The following RPA3 variants were observed in gnomAD, a reference collection of about 807,000 sequenced individuals.
RPA3 encodes replication protein A3.
Under a neutral mutation model 13.7 loss-of-function variants are expected in RPA3, and 24 were observed. The ratio of observed to expected loss-of-function variants is 1.75; its 90% CI spans 1.27 to 2.46. RPA3 has a LOEUF of 2.46. RPA3 is among the 30% of genes most tolerant of loss of function. The pLI is 0.00. For missense variants in RPA3, 183 were observed against 151.0 expected (o/e 1.21, Z -1.11); for synonymous variants, 59 against 51.2 (o/e 1.15, Z -0.65).
At chr7:7,656,101 C>G (rs1330794751) in intron 4 of RPA3, among the ~76,000 whole-genome samples, 1 of 152,114 alleles carries the variant, frequency 6.6e-6, no homozygotes, top group Admixed American at 6.5e-5. Flanking sequence ...TCCCAAAGTA[C>G]TGAGATTACA....
At position 7,640,475 on chromosome 7, in the gene RPA3, C is replaced by G; in HGVS notation, c.-57G>C. On this transcript the variant is annotated 5_prime_UTR_variant, in exon 5 of 8. Coordinates refer to ENST00000223129, the MANE Select transcript of RPA3 (RefSeq NM_002947.5). ...ACCCACGGACGACTGAAACTGTGCG[C>G]CCCGCGGGTGTCTATGGGGCAGATT... is the stretch of plus-strand genomic sequence containing the variant. 1 of 1,538,080 alleles carries G rather than the reference C, an allele frequency of 6.5e-7. No homozygotes were observed. Among genetic ancestry groups the G allele is most frequent in the Non-Finnish European group, 9.0e-7 (1 of 1,113,978 alleles).
At chr7:7,674,275 T>A (rs1029489455) in intron 4 of RPA3, among the ~76,000 whole-genome samples, 1 of 152,224 alleles carries the variant, frequency 6.6e-6, no homozygotes, top group African/African-American at 2.4e-5. Flanking sequence ...GATACTGGTT[T>A]CCTACCTCTT....
chr7:7,695,316 C>G (rs1394116198), intron 2 of RPA3, among the ~76,000 whole-genome samples: 3 of 152,106 alleles, frequency 2.0e-5, no homozygotes, highest in Non-Finnish European at 4.4e-5. Flanking sequence ...ATTCTCAAGC[C>G]CAGCCAACTT....
At chr7:7,650,263 A>G (rs1408611452) in intron 4 of RPA3, among the ~76,000 whole-genome samples, 1 of 152,164 alleles carries the variant, frequency 6.6e-6, no homozygotes, top group African/African-American at 2.4e-5. Context: ...ATTTGCTTGA[A>G]ATTACCCATA....
At chr7:7,650,582 C>T (rs1195141999) in intron 4 of RPA3, among the ~76,000 whole-genome samples, 2 of 152,180 alleles carry the variant, frequency 1.3e-5, no homozygotes, top group Non-Finnish European at 2.9e-5. Flanking sequence ...TGCCACTAAA[C>T]CGTACACTTA....
intron 4 of RPA3, among the ~76,000 whole-genome samples, chr7:7,663,917 G>A (rs1779365187): frequency 1.3e-5 from 2 of 152,148 alleles, no homozygotes. Flanking sequence ...GAATGGGTGA[G>A]CTAGCCAGGA....
rs534428464 is a variant in RPA3 at position 7,716,921 on chromosome 7, C to T, written c.-1080+1594G>A. On this transcript the variant is annotated intron_variant, in intron 1 of 7. Transcript: ENST00000223129. ...GGCACACCTGGTCTGATCAATCTCT[C>T]GTGCCCTATGTAAATCAGACACCGC... Among the ~76,000 whole-genome samples the T allele has an allele frequency of 4.6e-5, 7 of 152,262 alleles. 1 individual carries two copies. The highest frequency in any genetic ancestry group is 1.7e-4 in the African/African-American group (7 of 41,554).
intron 4 of RPA3, among the ~76,000 whole-genome samples, chr7:7,643,153 C>A (rs933547826): frequency 5.9e-5 from 9 of 152,106 alleles, no homozygotes; most frequent in Non-Finnish European, 8.8e-5. Context: ...AGGGAGAGGC[C>A]ATTTCCTGAT....
Position 7,636,970 on chromosome 7 carries a change from C to T in RPA3, c.*30G>A. 1.4e-6 allele frequency: 2 copies of T among 1,463,386 alleles called. No homozygotes were observed. Among genetic ancestry groups the T allele is most frequent in the African/African-American group, 1.4e-5 (1 of 71,970 alleles). 90.7% of individuals were successfully genotyped at this position (1,463,386 alleles called of 1,614,324 possible). On this transcript the variant is annotated 3_prime_UTR_variant, in exon 8 of 8. Transcript: ENST00000223129. ...TCCTTTAATAGACTTTAATATAGCT[C>T]ATTTACAATCGTATGAAAATCCATC...
intron 4 of RPA3, among the ~76,000 whole-genome samples, chr7:7,648,012 G>A (rs1374604166): frequency 1.3e-5 from 2 of 152,164 alleles, no homozygotes; most frequent in Non-Finnish European, 2.9e-5. Flanking sequence ...ATCTCACCTA[G>A]GGGAGACAAG....
At chr7:7,647,743 C>T (rs1052584265) in intron 4 of RPA3, among the ~76,000 whole-genome samples, 2 of 152,122 alleles carry the variant, frequency 1.3e-5, no homozygotes, top group Non-Finnish European at 2.9e-5. Flanking sequence ...ACTGCAGGCA[C>T]GTGCCATCAC....
intron 4 of RPA3, among the ~76,000 whole-genome samples, chr7:7,661,192 G>A (rs1476949148): frequency 6.6e-6 from 1 of 152,114 alleles, no homozygotes; most frequent in Admixed American, 6.5e-5. Context: ...CTCTAAACTG[G>A]TAATTCTAGT....
At chr7:7,653,206 T>C (rs1785267107) in intron 4 of RPA3, among the ~76,000 whole-genome samples, 1 of 152,224 alleles carries the variant, frequency 6.6e-6, no homozygotes, top group African/African-American at 2.4e-5. Context: ...TCTTGTACAG[T>C]AGTGTTATTT....
chr7:7,712,627 T>C (rs189410393), intron 2 of RPA3, among the ~76,000 whole-genome samples: 15 of 152,346 alleles, frequency 9.8e-5, no homozygotes, highest in Non-Finnish European at 1.9e-4. Context: ...CCTCTGTGAA[T>C]AGTGAGTTTT....
chr7:7,658,852 A>G (rs748650514), intron 4 of RPA3, among the ~76,000 whole-genome samples: 11 of 151,660 alleles, frequency 7.3e-5, no homozygotes, highest in South Asian at 6.2e-4. Flanking sequence ...CTTTTTTTCT[A>G]TTGTTTGGAA....
At chr7:7,640,083 C>T (rs148004361) in intron 5 of RPA3, 7 of 543,868 alleles carry the variant, frequency 1.3e-5, no homozygotes, top group African/African-American at 1.1e-4. Flanking sequence ...AGAACGGAGG[C>T]GACGGGCACT....
intron 7 of RPA3, 131 bp from the exon 8 acceptor site, chr7:7,637,213 G>C: frequency 1.5e-6 from 1 of 670,902 alleles, no homozygotes; most frequent in Non-Finnish European, 2.6e-6. Flanking sequence ...TGGAGATATG[G>C]ATTATGGATT....
At chr7:7,666,646 G>A (rs1033551631) in intron 4 of RPA3, among the ~76,000 whole-genome samples, 2 of 151,948 alleles carry the variant, frequency 1.3e-5, no homozygotes, top group African/African-American at 4.8e-5. Context: ...ATCTTGCTAG[G>A]TGAAGTGGCT....
intron 4 of RPA3, among the ~76,000 whole-genome samples, chr7:7,649,019 A>G (rs1043635823): frequency 6.6e-6 from 1 of 151,940 alleles, no homozygotes; most frequent in Non-Finnish European, 1.5e-5. Flanking sequence ...TTAGCCAGGC[A>G]TGGTGGCGGA....
Sources: allele counts gnomAD v4.1 joint callset (sites outside exome capture counted in the v4.1 genomes callset), GRCh38; gene constraint gnomAD v4.1.1; transcripts MANE v1.5; gene names NCBI Gene and HGNC (gene_info 2026-07-23, HGNC 2026-07-21).